NTRK3: variants seen among roughly 807,000 people sequenced by gnomAD.
NTRK3 encodes NT-3 growth factor receptor.
In NTRK3, 24 loss-of-function variants were observed where a neutral mutation model predicts 91.7. The ratio of observed to expected loss-of-function variants is 0.26; its 90% CI spans 0.19 to 0.37. The LOEUF (loss-of-function observed/expected upper bound fraction) is 0.37. Among genes scored for constraint, NTRK3 ranks in the 10% least tolerant of loss-of-function variants. NTRK3 has a pLI of 1.00. For missense variants in NTRK3, 880 were observed against 1,068.9 expected, an observed-to-expected ratio of 0.82 and a Z score of 2.46; for synonymous variants, 483 against 404.0, an observed-to-expected ratio of 1.20 and a Z score of -2.34.
exon 19 of NTRK3, chr15:87,874,466 T>C (rs986740265): frequency 1.2e-4 from 27 of 231,848 alleles, no homozygotes; most frequent in Non-Finnish European, 1.7e-5. Context: ...GATGAATCAG[T>C]GCCCTGAAGA....
chr15:87,937,269 G>A (rs1365316133), intron 15 of NTRK3, among the ~76,000 whole-genome samples: 3 of 152,212 alleles, frequency 2.0e-5, no homozygotes, highest in Non-Finnish European at 4.4e-5. Context: ...ACCTGCTAAT[G>A]TAATTACTTA....
intron 14 of NTRK3, among the ~76,000 whole-genome samples, chr15:88,024,422 G>A (rs929287006): frequency 3.3e-5 from 5 of 152,202 alleles, no homozygotes; most frequent in African/African-American, 1.2e-4. Flanking sequence ...AACAGAGAGT[G>A]CCTGGTACTT....
At chr15:87,866,324 G>A (rs2064676235) in exon 19 of NTRK3, 1 of 186,048 alleles carries the variant, frequency 5.4e-6, no homozygotes, top group Admixed American at 6.2e-5. Context: ...AAATAAAAGT[G>A]AAAAAAATTA....
chr15:88,167,572 A>AT (rs2045097937), intron 5 of NTRK3, among the ~76,000 whole-genome samples: 1 of 152,190 alleles, frequency 6.6e-6, no homozygotes, highest in Non-Finnish European at 1.5e-5. Flanking sequence ...ATAAGATGGT[A>AT]TTTTGAGATG....
At chr15:87,962,182 T>G (rs1253730004) in intron 14 of NTRK3, among the ~76,000 whole-genome samples, 2 of 152,244 alleles carry the variant, frequency 1.3e-5, no homozygotes, top group East Asian at 3.9e-4. Context: ...CCATTGGATC[T>G]TGATCCCTAA....
chr15:88,026,153 C>A (rs1478785781), intron 14 of NTRK3, among the ~76,000 whole-genome samples: 1 of 151,950 alleles, frequency 6.6e-6, no homozygotes, highest in East Asian at 1.9e-4. Context: ...TGCCTGTAGT[C>A]CCAGCTACTC....
chr15:88,078,129 T>C (rs1229425580), intron 13 of NTRK3, among the ~76,000 whole-genome samples: 2 of 152,192 alleles, frequency 1.3e-5, no homozygotes, highest in Admixed American at 6.5e-5. Flanking sequence ...GTATACATCA[T>C]GTCCTTGAAC....
intron 10 of NTRK3, among the ~76,000 whole-genome samples, chr15:88,132,565 T>C (rs1027179658): frequency 3.9e-5 from 6 of 152,194 alleles, no homozygotes; most frequent in South Asian, 2.1e-4. Flanking sequence ...TTAGCCTCCA[T>C]GCTTAGCTGC....
intron 3 of NTRK3, among the ~76,000 whole-genome samples, chr15:88,196,519 C>T (rs1266014395): frequency 2.0e-5 from 3 of 152,198 alleles, no homozygotes; most frequent in Non-Finnish European, 4.4e-5. Context: ...CTACTTACAT[C>T]TGGGGCCTGA....
At chr15:88,119,673 G>A (rs979022347) in intron 13 of NTRK3, among the ~76,000 whole-genome samples, 3 of 152,126 alleles carry the variant, frequency 2.0e-5, no homozygotes, top group African/African-American at 7.2e-5. Context: ...TTCAGAGGAG[G>A]AAATAGAAAA....
intron 3 of NTRK3, among the ~76,000 whole-genome samples, chr15:88,213,778 A>G (rs1264274841): frequency 6.6e-6 from 1 of 152,176 alleles, no homozygotes; most frequent in South Asian, 2.1e-4. Context: ...ACACAGCTTA[A>G]GTAAGATTTG....
chr15:88,097,741 T>C (rs1222793512), intron 13 of NTRK3, among the ~76,000 whole-genome samples: 1 of 152,204 alleles, frequency 6.6e-6, no homozygotes, highest in Non-Finnish European at 1.5e-5. Flanking sequence ...GATTACATAA[T>C]AATATGGAGA....
chr15:88,246,027 C>T (rs549064820), intron 3 of NTRK3, among the ~76,000 whole-genome samples: 1 of 152,224 alleles, frequency 6.6e-6, no homozygotes, highest in Non-Finnish European at 1.5e-5. Context: ...AGCCCCAGGT[C>T]AGGAAGCTGG....
Position 88,237,563 on chromosome 15 carries a change from G to C in NTRK3, c.248+18343C>G, listed in dbSNP as rs185397232. Among the ~76,000 whole-genome samples, 62 of 152,236 alleles carry C rather than the reference G, an allele frequency of 4.1e-4. No individual in the cohort carries two copies. The highest frequency in any genetic ancestry group is 1.7e-3 in the East Asian group (9 of 5,188). Reference sequence around the variant, plus strand: ...ATGCACTTTATATATGAGTTGTTTTGCTTATTTACACCTGAGATCTAAATT... The same window carrying C: ...ATGCACTTTATATATGAGTTGTTTTCCTTATTTACACCTGAGATCTAAATT... On this transcript the variant is annotated intron_variant, in intron 3 of 18. Coordinates refer to ENST00000394480, the Ensembl canonical transcript of NTRK3. This position sits in a 1 kb window ranked among gnomAD's most constrained non-coding sequence, Gnocchi z 4.0.
chr15:88,134,885 G>A (rs1188073467), intron 10 of NTRK3, among the ~76,000 whole-genome samples: 2 of 152,168 alleles, frequency 1.3e-5, no homozygotes, highest in African/African-American at 4.8e-5. Context: ...TTATTTCTAA[G>A]AAGTCTTGGT....
intron 17 of NTRK3, among the ~76,000 whole-genome samples, chr15:87,921,322 G>A (rs1196667242): frequency 6.6e-6 from 1 of 152,178 alleles, no homozygotes; most frequent in East Asian, 1.9e-4. Context: ...CTGACAGCCA[G>A]CATCACTTCT....
intron 13 of NTRK3, among the ~76,000 whole-genome samples, chr15:88,090,603 T>C (rs913807037): frequency 9.2e-5 from 14 of 152,202 alleles, no homozygotes; most frequent in African/African-American, 2.9e-4. Context: ...TGACAGCTGC[T>C]GTCTCTCCAG....
At chr15:88,043,387 T>C (rs1192748617) in intron 13 of NTRK3, among the ~76,000 whole-genome samples, 1 of 152,272 alleles carries the variant, frequency 6.6e-6, no homozygotes, top group Non-Finnish European at 1.5e-5. Context: ...CTAGCCACTA[T>C]GGCTTGCTAG....
At chr15:88,056,464 T>A (rs1170906953) in intron 13 of NTRK3, among the ~76,000 whole-genome samples, 1 of 152,146 alleles carries the variant, frequency 6.6e-6, no homozygotes. Context: ...ACAGTACTTA[T>A]GTAGTTTATT....
Sources: gnomAD v4.1 joint callset for allele counts (sites outside exome capture counted in the v4.1 genomes callset) on GRCh38, gnomAD v4.1.1 for gene constraint, Gnocchi (gnomAD v3.1) non-coding constraint, MANE v1.5 for transcripts, NCBI Gene and HGNC (gene_info 2026-07-23, HGNC 2026-07-21) for gene names.